The following TPST1 variants were observed in gnomAD, a reference collection of about 807,000 sequenced individuals.
TPST1 encodes the protein tyrosylprotein sulfotransferase 1.
A neutral mutation model predicts 34.8 loss-of-function variants in TPST1; 20 were observed. That is an observed-to-expected ratio of 0.57 (90% confidence interval 0.40 to 0.84). The LOEUF is 0.84. Ranked by LOEUF, TPST1 falls within the 40% of genes least tolerant of loss-of-function variation. The pLI is 0.00. For missense variants in TPST1, 353 were observed against 455.5 expected (o/e 0.78, Z 2.05); for synonymous variants, 152 against 159.4 (o/e 0.95, Z 0.35).
At chr7:66,200,938 G>A (rs1789028466), upstream of TPST1, among the ~76,000 whole-genome samples, 1 of 151,926 alleles carries the variant, frequency 6.6e-6, no homozygotes, top group African/African-American at 2.4e-5. Flanking sequence ...ATGTTGACCA[G>A]GCTGGTCTCG....
At chr7:66,268,753 T>G (rs942143703) in intron 2 of TPST1, among the ~76,000 whole-genome samples, 3 of 151,738 alleles carry the variant, frequency 2.0e-5, no homozygotes, top group African/African-American at 7.3e-5. Context: ...CAGGCTGGAG[T>G]GCCTGGCTCA....
At chr7:66,228,755 T>C (rs1584151991) in intron 1 of TPST1, among the ~76,000 whole-genome samples, 1 of 152,208 alleles carries the variant, frequency 6.6e-6, no homozygotes, top group African/African-American at 2.4e-5. Flanking sequence ...TTGCTTCATA[T>C]ATTTCTATCA....
chr7:66,279,444 C>G (rs934823562), intron 2 of TPST1, among the ~76,000 whole-genome samples: 1 of 152,118 alleles, frequency 6.6e-6, no homozygotes, highest in Non-Finnish European at 1.5e-5. Context: ...GGGTATATAT[C>G]CAGTAAGGGG....
At chr7:66,261,862 G>A (rs556740369) in intron 2 of TPST1, among the ~76,000 whole-genome samples, 16 of 152,260 alleles carry the variant, frequency 1.1e-4, no homozygotes, top group African/African-American at 3.6e-4. Context: ...AAAGAGCTTA[G>A]GATAGTATCT....
Position 66,240,420 on chromosome 7 carries a change from A to G in TPST1, c.-6A>G. 1 of 1,612,558 alleles carries G rather than the reference A, an allele frequency of 6.2e-7. No homozygotes were observed. Among genetic ancestry groups the G allele is most frequent in the Non-Finnish European group, 8.5e-7 (1 of 1,179,016 alleles). Reference sequence around the variant, plus strand: ...ATCTGTTTAATAACAAGATAACCACATCAAGATGGTTGGAAAGCTGAAGCA... The same window carrying G: ...ATCTGTTTAATAACAAGATAACCACGTCAAGATGGTTGGAAAGCTGAAGCA... On this transcript the variant is annotated 5_prime_UTR_variant, in exon 2 of 6. Transcript: ENST00000304842.
rs537096453 is a variant in TPST1, at chr7:66,256,528, C to T, written c.845+15258C>T. Among the ~76,000 whole-genome samples the T allele has an allele frequency of 3.3e-5, 5 of 152,284 alleles. No homozygotes were observed. In the East Asian group the frequency reaches 7.7e-4, roughly 23 times the overall value. ...TTCCTTCTCTGTCTTAGGTGGAGGGCCTTAGTTTCTTGCTGTGTGTTTCTG... is the reference window on the plus strand; with the variant it reads ...TTCCTTCTCTGTCTTAGGTGGAGGGTCTTAGTTTCTTGCTGTGTGTTTCTG... On this transcript the variant is annotated intron_variant, in intron 2 of 5. Transcript: ENST00000304842.
chr7:66,359,541 TG>T (rs1186713747), intron 5 of TPST1: 1 of 250,826 alleles, frequency 4.0e-6, no homozygotes, highest in Non-Finnish European at 8.0e-6. Flanking sequence ...ATCATGGTGC[TG>T]ACCCCTGGAC....
At chr7:66,342,440 A>T (rs567267766) in intron 3 of TPST1, among the ~76,000 whole-genome samples, 1 of 152,294 alleles carries the variant, frequency 6.6e-6, no homozygotes, top group African/African-American at 2.4e-5. Flanking sequence ...CTCAAAGTAA[A>T]CTGTTTAATC....
At chr7:66,257,189 A>G (rs1463897407) in intron 2 of TPST1, among the ~76,000 whole-genome samples, 2 of 152,148 alleles carry the variant, frequency 1.3e-5, no homozygotes, top group Non-Finnish European at 2.9e-5. Flanking sequence ...TCAGCCCCCC[A>G]AAGTGCTAGG....
chr7:66,250,640 C>T (rs1157277694), intron 2 of TPST1, among the ~76,000 whole-genome samples: 1 of 152,168 alleles, frequency 6.6e-6, no homozygotes, highest in East Asian at 1.9e-4. Context: ...CGAAACCCCA[C>T]TGATGGTACC....
intron 2 of TPST1, among the ~76,000 whole-genome samples, chr7:66,262,122 T>C (rs1790501331): frequency 6.6e-6 from 1 of 152,194 alleles, no homozygotes; most frequent in African/African-American, 2.4e-5. Flanking sequence ...TAAGTGCTGT[T>C]GCAGTCTGTG....
At chr7:66,285,337 CAAGCAAAGAACATTAGGGATG>C (rs1012014976) in intron 2 of TPST1, among the ~76,000 whole-genome samples, 1 of 152,006 alleles carries the variant, frequency 6.6e-6, no homozygotes, top group African/African-American at 2.4e-5. Flanking sequence ...TTAAGAATGT[CAAGCAAAGAACATTAGGGATG>C]AAGCAATACA....
intron 2 of TPST1, among the ~76,000 whole-genome samples, chr7:66,244,343 A>C (rs1790105401): frequency 6.6e-6 from 1 of 152,202 alleles, no homozygotes; most frequent in Non-Finnish European, 1.5e-5. Flanking sequence ...GAAGGTTTGA[A>C]GATGTCACCA....
chr7:66,278,063 G>A (rs1463440084), intron 2 of TPST1, among the ~76,000 whole-genome samples: 1 of 118,018 alleles, frequency 8.5e-6, no homozygotes, highest in East Asian at 2.7e-4. Context: ...TTGTGCCACT[G>A]CACTCCAGCC....
intron 3 of TPST1, among the ~76,000 whole-genome samples, chr7:66,345,205 C>A (rs6460293): frequency 0.67 from 100,496 of 151,108 alleles, 33,751 homozygotes; most frequent in African/African-American, 0.76. Flanking sequence ...CAAGCAAGAT[C>A]AATACCAAAT....
At chr7:66,215,775 C>CT (rs71051344) in intron 1 of TPST1, among the ~76,000 whole-genome samples, 172 of 33,550 alleles carry the variant, frequency 5.1e-3, no homozygotes, top group Non-Finnish European at 8.5e-3. Context: ...CTTTTTCTTT[C>CT]TTTTTTTTTT....
chr7:66,203,194 CAT>C (rs1442902381), upstream of TPST1, among the ~76,000 whole-genome samples: 1 of 151,548 alleles, frequency 6.6e-6, no homozygotes, highest in African/African-American at 2.4e-5. Flanking sequence ...CACACACACA[CAT>C]ATACACACAA....
intron 2 of TPST1, 39 bp from the exon 3 acceptor site, chr7:66,286,472 A>G: frequency 2.1e-6 from 3 of 1,398,158 alleles, no homozygotes; most frequent in Non-Finnish European, 2.8e-6. Context: ...TTTCTAAAAA[A>G]TTTTAAATAA....
chr7:66,285,121 C>T (rs1791009653), intron 2 of TPST1, among the ~76,000 whole-genome samples: 1 of 152,144 alleles, frequency 6.6e-6, no homozygotes, highest in Non-Finnish European at 1.5e-5. Flanking sequence ...GACCCCAATA[C>T]TTAACACAGA....
Sources: allele counts gnomAD v4.1 joint callset (sites outside exome capture counted in the v4.1 genomes callset), GRCh38; gene constraint gnomAD v4.1.1; transcripts MANE v1.5; gene names NCBI Gene and HGNC (gene_info 2026-07-23, HGNC 2026-07-21).